MIPOL1: variants seen among roughly 807,000 people sequenced by gnomAD.
MIPOL1 encodes mirror-image polydactyly 1.
MIPOL1 carries 57 observed loss-of-function variants against 60.9 expected under a neutral mutation model. That is an observed-to-expected ratio of 0.94 (90% CI 0.76 to 1.17). The LOEUF is 1.17. Among genes scored for constraint, MIPOL1 ranks in the 50% most tolerant of loss-of-function variants. MIPOL1 has a pLI of 0.00. For synonymous variants in MIPOL1, 179 were observed against 168.8 expected, an observed-to-expected ratio of 1.06 and a Z score of -0.47; for missense variants, 551 against 511.6, an observed-to-expected ratio of 1.08 and a Z score of -0.74.
chr14:37,481,052 G>A, intron 11 of MIPOL1, among the ~76,000 whole-genome samples: 1 of 152,098 alleles, frequency 6.6e-6, no homozygotes, highest in East Asian at 1.9e-4. Context: ...GACACAGGAG[G>A]ATTGCTTGAG....
intron 11 of MIPOL1, among the ~76,000 whole-genome samples, chr14:37,481,490 T>C (rs370909101): frequency 2.0e-5 from 3 of 151,048 alleles, no homozygotes; most frequent in East Asian, 3.9e-4. Context: ...GTGCAATAAT[T>C]ATCAGAATTC....
intron 7 of MIPOL1, among the ~76,000 whole-genome samples, chr14:37,307,807 A>G (rs974302835): frequency 2.0e-5 from 3 of 152,082 alleles, no homozygotes; most frequent in Non-Finnish European, 4.4e-5. Flanking sequence ...CATATGAACA[A>G]TTGATCCTTG....
At chr14:37,236,763 C>T (rs1971559815) in intron 1 of MIPOL1, among the ~76,000 whole-genome samples, 1 of 152,156 alleles carries the variant, frequency 6.6e-6, no homozygotes, top group African/African-American at 2.4e-5. Flanking sequence ...CACTCTGTTC[C>T]TTGTTGTGTG....
intron 9 of MIPOL1, among the ~76,000 whole-genome samples, chr14:37,362,494 C>T (rs183189925): frequency 9.2e-4 from 140 of 152,334 alleles, no homozygotes; most frequent in African/African-American, 3.3e-3. Flanking sequence ...GTCTGATGGG[C>T]TTCCCTTTGT....
At chr14:37,241,638 T>A (rs2153346445) in intron 1 of MIPOL1, among the ~76,000 whole-genome samples, 1 of 152,162 alleles carries the variant, frequency 6.6e-6, no homozygotes, top group South Asian at 2.1e-4. Context: ...AATGATGGGA[T>A]GTAATTAGTC....
At chr14:37,334,802 A>AT (rs2089987606) in intron 9 of MIPOL1, among the ~76,000 whole-genome samples, 2 of 151,826 alleles carry the variant, frequency 1.3e-5, no homozygotes, top group Non-Finnish European at 2.9e-5. Context: ...ATTTTATATA[A>AT]TTTTTTCAAC....
intron 9 of MIPOL1, among the ~76,000 whole-genome samples, chr14:37,319,897 T>G (rs2088373483): frequency 6.6e-6 from 1 of 152,142 alleles, no homozygotes; most frequent in East Asian, 1.9e-4. Context: ...AAAGGAGTCA[T>G]ATGTTATATA....
chr14:37,524,354 A>T (rs962056866), intron 12 of MIPOL1, among the ~76,000 whole-genome samples: 2 of 152,136 alleles, frequency 1.3e-5, no homozygotes, highest in Admixed American at 1.3e-4. Flanking sequence ...CTTTCTGGAA[A>T]GATACAGGGT....
At position 37,267,151 on chromosome 14, in the gene MIPOL1, G is replaced by A; in HGVS notation, c.233G>A (p.Cys78Tyr). 2 of 1,613,002 alleles carry A rather than the reference G, an allele frequency of 1.2e-6. No homozygotes were observed. The highest frequency in any genetic ancestry group is 8.5e-7 in the Non-Finnish European group (1 of 1,179,430). The change falls in exon 4 of 13, where the codon TGC becomes TAC. Residue 78 changes from cysteine to tyrosine, a missense_variant. Cys to Tyr is a radical substitution (Grantham distance 194, BLOSUM62 -2). Transcript: ENST00000684589. ...TATCCAGATGATGAGTCTGTTTACT[G>A]CACTACTGAAAAATACAAGTAAGTG... ...SSYPDDESVY[C>Y]TTEKYNVMEH...
At position 37,369,583 on chromosome 14, in the gene MIPOL1, A is replaced by C. The variant is rs2092582959; in HGVS notation, c.895A>C (p.Arg299=). The change falls in exon 10 of 13, where the codon AGA becomes CGA. Residue 299 remains arginine (R), a synonymous_variant. Coordinates refer to ENST00000684589, the MANE Select transcript of MIPOL1 (RefSeq NM_001388067.1). The part of the protein sequence containing the change: ...EQNQTSANNM[R]HLTAENNQER... ...GAACCAGACTTCAGCAAACAACATG[A>C]GACATCTGACTGCTGAAAACAATCA... 2 of 1,613,274 alleles carry C rather than the reference A, an allele frequency of 1.2e-6. No homozygotes were observed. The highest frequency in any genetic ancestry group is 1.7e-6 in the Non-Finnish European group (2 of 1,179,566).
At chr14:37,480,302 T>C (rs905153375) in intron 11 of MIPOL1, among the ~76,000 whole-genome samples, 1 of 152,058 alleles carries the variant, frequency 6.6e-6, no homozygotes, top group Admixed American at 6.6e-5. Flanking sequence ...GTAAAAATTC[T>C]CAACAAAATG....
At chr14:37,288,255 C>G (rs994977186) in intron 7 of MIPOL1, among the ~76,000 whole-genome samples, 38 of 151,986 alleles carry the variant, frequency 2.5e-4, no homozygotes, top group African/African-American at 8.9e-4. Context: ...AATCTGCCCA[C>G]CTTGACCCCC....
At chr14:37,312,132 G>C (rs1283952306) in intron 9 of MIPOL1, among the ~76,000 whole-genome samples, 4 of 152,064 alleles carry the variant, frequency 2.6e-5, no homozygotes, top group African/African-American at 9.7e-5. Flanking sequence ...TCTGAGAATG[G>C]ATTCTCACTC....
intron 11 of MIPOL1, among the ~76,000 whole-genome samples, chr14:37,428,886 G>A (rs547993549): frequency 3.3e-5 from 5 of 152,110 alleles, no homozygotes; most frequent in African/African-American, 1.2e-4. Context: ...TGAGATGGGA[G>A]GATAGAGATA....
chr14:37,508,442 A>G (rs559201315), intron 12 of MIPOL1, among the ~76,000 whole-genome samples: 1 of 152,296 alleles, frequency 6.6e-6, no homozygotes, highest in South Asian at 2.1e-4. Context: ...TAACTACTAA[A>G]TTCAATGGCT....
intron 9 of MIPOL1, among the ~76,000 whole-genome samples, chr14:37,354,176 T>C (rs1243019258): frequency 6.6e-6 from 1 of 151,976 alleles, no homozygotes; most frequent in Non-Finnish European, 1.5e-5. Flanking sequence ...CCAGTAGTCA[T>C]TCAGGAGCAG....
intron 7 of MIPOL1, among the ~76,000 whole-genome samples, chr14:37,295,028 G>GA (rs564285999): frequency 6.6e-6 from 1 of 152,094 alleles, no homozygotes; most frequent in African/African-American, 2.4e-5. Flanking sequence ...TGAAATGAAG[G>GA]AAAAAATGTT....
intron 12 of MIPOL1, among the ~76,000 whole-genome samples, chr14:37,539,207 A>C (rs904720957): frequency 6.6e-6 from 1 of 152,056 alleles, no homozygotes; most frequent in African/African-American, 2.4e-5. Context: ...GTCTCAAAAA[A>C]AATAAAATAA....
intron 9 of MIPOL1, among the ~76,000 whole-genome samples, chr14:37,347,531 A>G (rs1021314851): frequency 1.3e-5 from 2 of 152,190 alleles, no homozygotes; most frequent in Non-Finnish European, 2.9e-5. Context: ...TCAAAATGGG[A>G]GCAAGATAAT....
Sources: gnomAD v4.1 joint callset for allele counts (sites outside exome capture counted in the v4.1 genomes callset) on GRCh38, gnomAD v4.1.1 for gene constraint, MANE v1.5 for transcripts, NCBI Gene and HGNC (gene_info 2026-07-23, HGNC 2026-07-21) for gene names.